HELLS: variants seen among roughly 807,000 people sequenced by gnomAD.
The protein encoded by HELLS is lymphoid-specific helicase.
In HELLS, 32 loss-of-function variants were observed where a neutral mutation model predicts 120.0. That is an observed-to-expected ratio of 0.27 (90% CI 0.20 to 0.36). HELLS has a LOEUF of 0.36. HELLS is among the 10% of genes least tolerant of loss of function. HELLS has a pLI of 1.00. For missense variants in HELLS, 650 were observed against 993.4 expected (o/e 0.65, Z 4.65); for synonymous variants, 341 against 323.4 (o/e 1.05, Z -0.58).
At chr10:94,611,227 G>A (rs1846190409) in exon 10 of HELLS, 1 of 152,160 alleles carries the variant, frequency 6.6e-6, no homozygotes, top group African/African-American at 2.4e-5. Flanking sequence ...GCAAGTGCGG[G>A]AAGTAATAGT....
intron 2 of HELLS, among the ~76,000 whole-genome samples, chr10:94,550,342 G>A (rs1354067356): frequency 6.6e-6 from 1 of 151,664 alleles, no homozygotes; most frequent in East Asian, 2.0e-4. Context: ...GCAGTGGCGT[G>A]ATCTTGGCTC....
At position 94,601,660 on chromosome 10, in the gene HELLS, A is replaced by G. The variant is rs1023464360; in HGVS notation, c.*38A>G. 1.9e-6 allele frequency: 2 copies of G among 1,064,484 alleles called. No homozygotes were observed. Among genetic ancestry groups the G allele is most frequent in the Non-Finnish European group, 2.8e-6 (2 of 706,194 alleles). The allele number at this position is 1,064,484 out of a possible 1,614,324, so 65.9% of individuals were successfully genotyped here. ...GAATAGCTTTTAAAAGTTCTTATTT[A>G]CATCTAGTGATTTCCCTGTATTGGG... On this transcript the variant is annotated 3_prime_UTR_variant, in exon 22 of 22. Transcript: ENST00000348459.
At chr10:94,608,161 AAT>A (rs1846148161) in intron 9 of HELLS, 1 of 157,204 alleles carries the variant, frequency 6.4e-6, no homozygotes, top group South Asian at 1.8e-4. Context: ...ATTAGTCTAG[AAT>A]ATGTTTATAA....
In HELLS at chr10:94,601,788, A is replaced by G; in HGVS notation, c.*166A>G. 2 of 455,674 alleles carry G rather than the reference A, an allele frequency of 4.4e-6. 1 individual carries two copies. Among genetic ancestry groups the G allele is most frequent in the South Asian group, 6.8e-5 (2 of 29,586 alleles). 28.2% of individuals were successfully genotyped at this position (455,674 alleles called of 1,614,324 possible). A position where few individuals can be genotyped will look rare whatever the true frequency, so the allele number is the denominator to read the frequency against. The stretch of plus-strand genomic sequence containing the variant: ...GATGGTAATTTTCTGAGCCTTACCA[A>G]GAACAAAGAAGTATCCATATTAAGT... On this transcript the variant is annotated 3_prime_UTR_variant, in exon 22 of 22. Transcript: ENST00000348459.
chr10:94,563,529 C>G (rs543845057), intron 6 of HELLS, among the ~76,000 whole-genome samples: 8 of 151,946 alleles, frequency 5.3e-5, no homozygotes, highest in Admixed American at 4.6e-4. Context: ...CTCTGTGACT[C>G]AAGCTGGAGT....
At chr10:94,597,736 T>C (rs1361532675) in intron 21 of HELLS, among the ~76,000 whole-genome samples, 1 of 152,186 alleles carries the variant, frequency 6.6e-6, no homozygotes, top group African/African-American at 2.4e-5. Context: ...TTTCGCCATG[T>C]TGGCCAGGCT....
chr10:94,566,628 A>G (rs190533728), intron 6 of HELLS, among the ~76,000 whole-genome samples: 268 of 151,814 alleles, frequency 1.8e-3, no homozygotes, highest in African/African-American at 5.9e-3. Context: ...TGGGCATAGT[A>G]GTTTTTCTTT....
chr10:94,577,141 A>G (rs1564599020), intron 10 of HELLS: 3 of 428,132 alleles, frequency 7.0e-6, no homozygotes, highest in South Asian at 5.4e-5. Flanking sequence ...TTAATCAAAT[A>G]AGAGTATTTG....
chr10:94,590,807 T>G (rs764633815), intron 15 of HELLS, 31 bp downstream of exon 15: 1 of 1,251,006 alleles, frequency 8.0e-7, no homozygotes, highest in Non-Finnish European at 1.1e-6. Flanking sequence ...ATTTACTGTT[T>G]TGATTTCCAT....
At chr10:94,605,072 T>TCCCCC (rs3054948), downstream of HELLS, among the ~76,000 whole-genome samples, 24 of 66,832 alleles carry the variant, frequency 3.6e-4, 5 homozygotes, top group African/African-American at 8.3e-4. Flanking sequence ...GTCTTGTGTC[T>TCCCCC]CCCCCCCCCC....
chr10:94,605,010 C>A (rs1344388466), downstream of HELLS, among the ~76,000 whole-genome samples: 1 of 150,576 alleles, frequency 6.6e-6, no homozygotes, highest in African/African-American at 2.5e-5. Flanking sequence ...CTTTACCATA[C>A]TCCTGGGTAT....
chr10:94,579,483 A>C (rs1844707661), intron 10 of HELLS, among the ~76,000 whole-genome samples: 1 of 151,920 alleles, frequency 6.6e-6, no homozygotes, highest in South Asian at 2.1e-4. Context: ...CTTTTATACT[A>C]AATAATTATA....
intron 16 of HELLS, 24 bp downstream of exon 16, chr10:94,592,336 G>T: frequency 3.8e-6 from 6 of 1,586,600 alleles, no homozygotes; most frequent in Non-Finnish European, 5.1e-6. Flanking sequence ...TTGGAATTTT[G>T]GATTGTTCAA....
intron 21 of HELLS, 92 bp downstream of exon 21, chr10:94,597,203 A>G (rs925295516): frequency 1.5e-6 from 1 of 674,516 alleles, no homozygotes; most frequent in Non-Finnish European, 2.6e-6. Flanking sequence ...ATTCAGCCAC[A>G]TGTATCCAAT....
intron 21 of HELLS, among the ~76,000 whole-genome samples, chr10:94,599,716 T>G (rs143101297): frequency 9.2e-5 from 14 of 152,316 alleles, no homozygotes; most frequent in African/African-American, 3.1e-4. Context: ...TAAAATAGAA[T>G]TTAAGAAGAT....
chr10:94,556,665 T>C (rs1315885920), intron 3 of HELLS, among the ~76,000 whole-genome samples: 1 of 152,230 alleles, frequency 6.6e-6, no homozygotes, highest in Non-Finnish European at 1.5e-5. Context: ...TCTGTTATTA[T>C]AGGTTCATTT....
chr10:94,585,320 C>G (rs1845069554), intron 12 of HELLS, among the ~76,000 whole-genome samples: 1 of 149,508 alleles, frequency 6.7e-6, no homozygotes, highest in Non-Finnish European at 1.5e-5. Flanking sequence ...TTCTGCACTT[C>G]CTTTCTTATC....
chr10:94,547,068 A>G (rs1842782624), intron 2 of HELLS, among the ~76,000 whole-genome samples: 1 of 152,210 alleles, frequency 6.6e-6, no homozygotes, highest in Non-Finnish European at 1.5e-5. Context: ...AATGTGCCGT[A>G]CTTTTTCAAT....
At chr10:94,593,699 G>T (rs1266355681) in intron 18 of HELLS, 84 bp downstream of exon 18, 1 of 807,042 alleles carries the variant, frequency 1.2e-6, no homozygotes. Context: ...GTCTCACTCT[G>T]TTGCCCAGGC....
Sources: allele counts gnomAD v4.1 joint callset (sites outside exome capture counted in the v4.1 genomes callset), GRCh38; gene constraint gnomAD v4.1.1; transcripts MANE v1.5; gene names NCBI Gene and HGNC (gene_info 2026-07-23, HGNC 2026-07-21).